IPO11: variants seen among roughly 807,000 people sequenced by gnomAD.
The protein encoded by IPO11 is importin-11.
A neutral mutation model predicts 143.2 loss-of-function variants in IPO11; 66 were observed. The observed-to-expected ratio is 0.46, with a 90% CI of 0.38 to 0.57. The LOEUF (loss-of-function observed/expected upper bound fraction) is 0.57. Ranked by LOEUF, IPO11 falls within the 20% of genes least tolerant of loss-of-function variation. IPO11 has a pLI of 0.00. For missense variants in IPO11, 1,026 were observed against 1,141.0 expected, an observed-to-expected ratio of 0.90 and a Z score of 1.45; for synonymous variants, 385 against 377.8, an observed-to-expected ratio of 1.02 and a Z score of -0.22.
At chr5:62,623,459 A>G (rs987538906) in intron 29 of IPO11, among the ~76,000 whole-genome samples, 1 of 152,198 alleles carries the variant, frequency 6.6e-6, no homozygotes, top group African/African-American at 2.4e-5. Flanking sequence ...GTCCTGATCC[A>G]GATCCCAAGA....
At chr5:62,581,086 G>A in intron 27 of IPO11, 2 of 1,548,988 alleles carry the variant, frequency 1.3e-6, no homozygotes, top group African/African-American at 1.4e-5. Context: ...CTACAAAGTT[G>A]TTCAGTTTAA....
At position 62,451,727 on chromosome 5, in the gene IPO11, C is replaced by T. The variant is rs1383590425; in HGVS notation, c.313-3C>T. On this transcript the variant is annotated splice_polypyrimidine_tract_variant and splice_region_variant and intron_variant, in intron 4 of 29. Transcript: ENST00000325324. ...TTCCATTTGTTTAATTTTTTCCTTT[C>T]AGATTGCAACTCAGATTGCAGTGCT... The T allele has an allele frequency of 6.2e-7, 1 of 1,612,272 alleles. No homozygotes were observed. Among genetic ancestry groups the T allele is most frequent in the South Asian group, 1.1e-5 (1 of 90,710 alleles).
chr5:62,600,282 G>T (rs1434781891), intron 28 of IPO11, among the ~76,000 whole-genome samples: 1 of 152,068 alleles, frequency 6.6e-6, no homozygotes, highest in African/African-American at 2.4e-5. Context: ...CTGACCTCAG[G>T]GGATTCACCC....
At chr5:62,543,159 G>A (rs1580305062) in intron 24 of IPO11, among the ~76,000 whole-genome samples, 1 of 152,250 alleles carries the variant, frequency 6.6e-6, no homozygotes, top group Non-Finnish European at 1.5e-5. Flanking sequence ...TAGGATCCAT[G>A]CGTTTAATCA....
At chr5:62,484,729 A>G (rs1746334513) in intron 11 of IPO11, among the ~76,000 whole-genome samples, 1 of 152,054 alleles carries the variant, frequency 6.6e-6, no homozygotes, top group Admixed American at 6.5e-5. Context: ...GCTAGATTTT[A>G]GCCTCCCTTT....
At chr5:62,417,135 C>CT (rs913459136) in intron 1 of IPO11, among the ~76,000 whole-genome samples, 1 of 149,126 alleles carries the variant, frequency 6.7e-6, no homozygotes, top group Non-Finnish European at 1.5e-5. Context: ...TTTTTTTCTC[C>CT]TTTTTTTAAG....
intron 27 of IPO11, among the ~76,000 whole-genome samples, chr5:62,581,993 T>C (rs1398987128): frequency 6.6e-6 from 1 of 152,160 alleles, no homozygotes; most frequent in African/African-American, 2.4e-5. Context: ...ACCTGCTGCT[T>C]TTCAGGAACT....
chr5:62,541,480 G>A (rs960943239), intron 24 of IPO11, among the ~76,000 whole-genome samples: 11 of 151,700 alleles, frequency 7.3e-5, no homozygotes, highest in African/African-American at 2.7e-4. Flanking sequence ...AGGAGTTTGA[G>A]ACTAGCCTGA....
chr5:62,545,100 TTAAAGTTCA>T (rs1312992941), intron 24 of IPO11, among the ~76,000 whole-genome samples: 1 of 152,090 alleles, frequency 6.6e-6, no homozygotes, highest in Admixed American at 6.6e-5. Flanking sequence ...AAAAACTACT[TTAAAGTTCA>T]TATGGAACCA....
chr5:62,592,296 TC>T (rs1156711798), intron 28 of IPO11, among the ~76,000 whole-genome samples: 1 of 152,222 alleles, frequency 6.6e-6, no homozygotes, highest in Non-Finnish European at 1.5e-5. Flanking sequence ...TCTTTTTTTT[TC>T]AGTTTTGCTG....
chr5:62,474,546 A>G, intron 8 of IPO11, 82 bp downstream of exon 8: 3 of 958,008 alleles, frequency 3.1e-6, no homozygotes, highest in Non-Finnish European at 4.8e-6. Context: ...GCTAGGATTA[A>G]TGAGGGATTA....
At chr5:62,441,270 T>G (rs954707008) in intron 2 of IPO11, among the ~76,000 whole-genome samples, 2 of 151,966 alleles carry the variant, frequency 1.3e-5, no homozygotes, top group African/African-American at 4.8e-5. Context: ...CGATCTCAGC[T>G]CACAACATCC....
chr5:62,430,818 C>T (rs1743959437), intron 1 of IPO11, among the ~76,000 whole-genome samples: 1 of 151,502 alleles, frequency 6.6e-6, no homozygotes, highest in African/African-American at 2.4e-5. Flanking sequence ...GCTGGGATTA[C>T]AGGCGTGCAC....
intron 21 of IPO11, 100 bp from the exon 22 acceptor site, chr5:62,530,609 C>T (rs933516394): frequency 7.4e-6 from 5 of 676,006 alleles, no homozygotes; most frequent in Non-Finnish European, 1.0e-5. Flanking sequence ...ATACACTTAC[C>T]TTTCTTCATT....
At chr5:62,536,145 G>A (rs892047962) in intron 22 of IPO11, among the ~76,000 whole-genome samples, 1 of 152,076 alleles carries the variant, frequency 6.6e-6, no homozygotes, top group African/African-American at 2.4e-5. Context: ...AAGTAATATC[G>A]CATATTTAGT....
chr5:62,482,552 G>A (rs1464463872), intron 9 of IPO11, among the ~76,000 whole-genome samples: 1 of 152,082 alleles, frequency 6.6e-6, no homozygotes, highest in Non-Finnish European at 1.5e-5. Context: ...AATTTCCTCA[G>A]CAGCTTTTCT....
At chr5:62,606,214 C>G (rs995750417) in intron 29 of IPO11, among the ~76,000 whole-genome samples, 1 of 151,740 alleles carries the variant, frequency 6.6e-6, no homozygotes, top group Non-Finnish European at 1.5e-5. Context: ...GGCGTGGTGG[C>G]TTATGCCTGT....
At chr5:62,462,953 A>G (rs1312618990) in intron 5 of IPO11, among the ~76,000 whole-genome samples, 5 of 151,098 alleles carry the variant, frequency 3.3e-5, no homozygotes, top group Non-Finnish European at 4.4e-5. Flanking sequence ...TAAAAGGTCT[A>G]TGGCTCTTAC....
chr5:62,625,388 A>G (rs1268370028), intron 29 of IPO11, among the ~76,000 whole-genome samples: 1 of 152,246 alleles, frequency 6.6e-6, no homozygotes, highest in African/African-American at 2.4e-5. Context: ...TAATTTTAAA[A>G]TTAAGCAATA....
Sources: allele counts gnomAD v4.1 joint callset (sites outside exome capture counted in the v4.1 genomes callset), GRCh38; gene constraint gnomAD v4.1.1; transcripts MANE v1.5; gene names NCBI Gene and HGNC (gene_info 2026-07-23, HGNC 2026-07-21).